Variants in CRIM1 observed in about 807,000 individuals in gnomAD.
The protein encoded by CRIM1 is cysteine rich transmembrane BMP regulator 1, also known as cysteine-rich motor neuron 1 protein.
CRIM1 carries 32 observed loss-of-function variants against 116.4 expected under a neutral mutation model. The observed-to-expected ratio is 0.27, with a 90% confidence interval of 0.21 to 0.37. The LOEUF (loss-of-function observed/expected upper bound fraction) is 0.37. CRIM1 is among the 10% of genes least tolerant of loss of function. CRIM1 has a pLI of 1.00. For synonymous variants in CRIM1, 590 were observed against 509.2 expected, an observed-to-expected ratio of 1.16 and a Z score of -2.13; for missense variants, 1,331 against 1,354.8, an observed-to-expected ratio of 0.98 and a Z score of 0.28.
intron 7 of CRIM1, among the ~76,000 whole-genome samples, chr2:36,492,344 C>T (rs910887436): frequency 1.3e-5 from 2 of 152,096 alleles, no homozygotes; most frequent in African/African-American, 4.8e-5. Context: ...AAATGTGTAG[C>T]GGCTAAAAGA....
chr2:36,428,799 C>T (rs1396453692), intron 2 of CRIM1, among the ~76,000 whole-genome samples: 1 of 152,190 alleles, frequency 6.6e-6, no homozygotes, highest in Non-Finnish European at 1.5e-5. Context: ...TCTTACAGTT[C>T]ATTGTCTTAG....
rs373156323 is a variant in CRIM1 at position 36,513,814 on chromosome 2, C to T, written c.1990+49C>T. ...TGCTCCATAAGCAAATGACTTCTGC[C>T]TTGCAGGGCCCTAGACACATTTGTA... On this transcript the variant is annotated intron_variant, in intron 11 of 16. Coordinates refer to ENST00000280527, the MANE Select transcript of CRIM1 (RefSeq NM_016441.3). 67 of 1,531,344 alleles carry T rather than the reference C, an allele frequency of 4.4e-5. 1 individual carries two copies. The East Asian group carries it at 4.4e-4, about 10-fold the overall frequency. 94.9% of individuals were successfully genotyped at this position (1,531,344 alleles called of 1,614,324 possible).
intron 14 of CRIM1, among the ~76,000 whole-genome samples, chr2:36,538,620 G>A (rs944352776): frequency 2.0e-5 from 3 of 152,180 alleles, no homozygotes; most frequent in African/African-American, 7.2e-5. Context: ...TTGTTTAGGC[G>A]TTGTGCAGAC....
At chr2:36,487,215 A>C (rs1679889263) in intron 7 of CRIM1, among the ~76,000 whole-genome samples, 1 of 152,044 alleles carries the variant, frequency 6.6e-6, no homozygotes, top group Non-Finnish European at 1.5e-5. Context: ...AATTCATTGG[A>C]CTCAACACTC....
chr2:36,501,696 T>C (rs1681008345), intron 8 of CRIM1, among the ~76,000 whole-genome samples: 2 of 152,124 alleles, frequency 1.3e-5, no homozygotes, highest in African/African-American at 4.8e-5. Context: ...CACTCCAGCC[T>C]GGGTGACAGA....
At chr2:36,396,311 C>T (rs957886945) in intron 1 of CRIM1, among the ~76,000 whole-genome samples, 1 of 152,182 alleles carries the variant, frequency 6.6e-6, no homozygotes, top group Non-Finnish European at 1.5e-5. Context: ...TGATATTAAA[C>T]ATTTTTAAAG....
chr2:36,537,332 T>A lies in CRIM1; in HGVS notation c.2429-20T>A, dbSNP rs778066465. ...CGTTGTCACATCAGCGACTCCATCA[T>A]GTGCTGTTCTTTTCACTAGAAGACA... On this transcript the variant is annotated intron_variant, in intron 13 of 16. Transcript: ENST00000280527. The A allele has an allele frequency of 5.6e-6, 9 of 1,611,654 alleles. No individual in the cohort carries two copies. The highest frequency in any genetic ancestry group is 2.5e-6 in the Non-Finnish European group (3 of 1,178,108).
chr2:36,488,980 G>A (rs949544801), intron 7 of CRIM1, among the ~76,000 whole-genome samples: 3 of 152,230 alleles, frequency 2.0e-5, no homozygotes, highest in East Asian at 1.9e-4. Flanking sequence ...CAAAGCATGC[G>A]TTCTGTGTGC....
intron 7 of CRIM1, among the ~76,000 whole-genome samples, chr2:36,489,473 A>G (rs1163332150): frequency 6.6e-6 from 1 of 152,228 alleles, no homozygotes; most frequent in Non-Finnish European, 1.5e-5. Flanking sequence ...AAAAGATTCC[A>G]TGGAGATTTT....
At chr2:36,518,373 G>A (rs1416034529) in intron 12 of CRIM1, among the ~76,000 whole-genome samples, 2 of 152,084 alleles carry the variant, frequency 1.3e-5, no homozygotes, top group Non-Finnish European at 2.9e-5. Flanking sequence ...CATATTCTTA[G>A]AGCATTTCTG....
intron 7 of CRIM1, among the ~76,000 whole-genome samples, chr2:36,491,238 C>G (rs755654192): frequency 3.3e-5 from 5 of 152,134 alleles, no homozygotes; most frequent in African/African-American, 7.2e-5. Flanking sequence ...CCTTCTTAAG[C>G]CAAAGATACA....
chr2:36,373,118 T>C (rs1188087981), intron 1 of CRIM1, among the ~76,000 whole-genome samples: 1 of 152,206 alleles, frequency 6.6e-6, no homozygotes, highest in Non-Finnish European at 1.5e-5. Flanking sequence ...TGATGGCAAA[T>C]GCTGCCAAAA....
intron 1 of CRIM1, among the ~76,000 whole-genome samples, chr2:36,362,327 T>A (rs760604124): frequency 6.6e-6 from 1 of 152,102 alleles, no homozygotes; most frequent in Non-Finnish European, 1.5e-5. Context: ...GGAATTTGAA[T>A]TTGAACTAGG....
At chr2:36,386,356 A>G (rs566497673) in intron 1 of CRIM1, among the ~76,000 whole-genome samples, 6 of 152,328 alleles carry the variant, frequency 3.9e-5, no homozygotes, top group Admixed American at 2.0e-4. Flanking sequence ...CACTCTTTTG[A>G]CATGTCATAA....
intron 1 of CRIM1, among the ~76,000 whole-genome samples, chr2:36,387,684 A>G (rs1344624492): frequency 6.6e-6 from 1 of 152,238 alleles, no homozygotes; most frequent in African/African-American, 2.4e-5. Flanking sequence ...TTCAGTGTCT[A>G]ACTTTGAGTA....
intron 4 of CRIM1, among the ~76,000 whole-genome samples, chr2:36,457,911 A>G (rs1207814391): frequency 6.6e-6 from 1 of 152,216 alleles, no homozygotes; most frequent in African/African-American, 2.4e-5. Context: ...AAGCTATTTC[A>G]TTAACACACT....
intron 15 of CRIM1, among the ~76,000 whole-genome samples, chr2:36,546,473 G>A (rs1667337549): frequency 6.6e-6 from 1 of 152,134 alleles, no homozygotes; most frequent in Admixed American, 6.5e-5. Flanking sequence ...GTGAACCAGA[G>A]TATCAACCAA....
At position 36,438,115 on chromosome 2, in the gene CRIM1, A is replaced by G. The variant is rs368677178; in HGVS notation, c.506-3143A>G. Among the ~76,000 whole-genome samples the G allele has an allele frequency of 2.9e-3, 426 of 148,708 alleles. 3 individuals carry two copies. Among genetic ancestry groups the G allele is most frequent in the African/African-American group, 0.01 (409 of 39,880 alleles). Reference sequence around the variant, plus strand: ...CCACTGTACTCCAGCCTGGCAACAGAGCAAGACTCCATCTCAAAAAAAAAA... The same window carrying G: ...CCACTGTACTCCAGCCTGGCAACAGGGCAAGACTCCATCTCAAAAAAAAAA... On this transcript the variant is annotated intron_variant, in intron 2 of 16. Transcript: ENST00000280527.
chr2:36,377,534 T>A (rs184830920), intron 1 of CRIM1, among the ~76,000 whole-genome samples: 34 of 152,324 alleles, frequency 2.2e-4, no homozygotes, highest in African/African-American at 7.9e-4. Flanking sequence ...CTGTTCATGA[T>A]TTCCCTCTGT....
Sources: gnomAD v4.1 joint callset for allele counts (sites outside exome capture counted in the v4.1 genomes callset) on GRCh38, gnomAD v4.1.1 for gene constraint, MANE v1.5 for transcripts, NCBI Gene and HGNC (gene_info 2026-07-23, HGNC 2026-07-21) for gene names.